The following ATXN1 variants were observed in gnomAD, a reference collection of about 807,000 sequenced individuals.
The protein encoded by ATXN1 is ataxin-1.
Under a neutral mutation model 56.4 loss-of-function variants are expected in ATXN1, and 8 were observed. The ratio of observed to expected loss-of-function variants is 0.14; its 90% confidence interval spans 0.08 to 0.26. ATXN1 has a LOEUF of 0.26. Among genes scored for constraint, ATXN1 ranks in the 10% least tolerant of loss-of-function variants. The pLI is 1.00. For synonymous variants in ATXN1, 514 were observed against 494.6 expected (o/e 1.04, Z -0.52); for missense variants, 987 against 1,106.5 (o/e 0.89, Z 1.53).
intron 6 of ATXN1, among the ~76,000 whole-genome samples, chr6:16,439,047 C>G (rs1468816074): frequency 1.3e-5 from 2 of 152,016 alleles, no homozygotes; most frequent in African/African-American, 4.8e-5. Context: ...CTGAATTTCT[C>G]AGATTCTCAG....
At chr6:16,685,342 C>T (rs913162861) in intron 2 of ATXN1, among the ~76,000 whole-genome samples, 10 of 152,132 alleles carry the variant, frequency 6.6e-5, no homozygotes, top group African/African-American at 2.4e-4. Context: ...CCCCATTATT[C>T]AGAATAAGTG....
Position 16,589,014 on chromosome 6 carries a change from C to G in ATXN1, c.-488-3107G>C, listed in dbSNP as rs192095126. ...GACCCTCAGCACCTCCAAGTCCCTC[C>G]CTGTAGCTCCCTGACCCCATCTTGT... On this transcript the variant is annotated intron_variant, in intron 3 of 7. Transcript: ENST00000436367. Among the ~76,000 whole-genome samples the G allele has an allele frequency of 1.7e-3, 256 of 152,194 alleles. 1 individual carries two copies. The highest frequency in any genetic ancestry group is 6.0e-3 in the African/African-American group (248 of 41,526).
chr6:16,718,819 T>C (rs1477438054), intron 2 of ATXN1, among the ~76,000 whole-genome samples: 2 of 152,252 alleles, frequency 1.3e-5, no homozygotes, highest in Non-Finnish European at 2.9e-5. Flanking sequence ...CACAGATGTG[T>C]GCACACAATG....
intron 5 of ATXN1, among the ~76,000 whole-genome samples, chr6:16,499,193 G>A (rs1468935953): frequency 1.3e-5 from 2 of 152,190 alleles, no homozygotes; most frequent in Admixed American, 6.5e-5. Context: ...TGAGGTAAGG[G>A]TTCAACTTCT....
rs2072737 is a variant in ATXN1 at position 16,306,635 on chromosome 6, G to A, written c.2142C>T (p.Asp714=). 0.034 allele frequency: 54,855 copies of A among 1,614,152 alleles called. 3,697 individuals carry two copies. The highest frequency in any genetic ancestry group is 0.31 in the East Asian group (13,879 of 44,868). Residue 714 remains aspartate, a synonymous_variant, in exon 8 of 8, where the codon GAC becomes GAT. Coordinates refer to ENST00000436367, the MANE Select transcript of ATXN1 (RefSeq NM_001128164.2). The surrounding 1 kb of genome is among the most constrained non-coding windows in gnomAD (Gnocchi z 5.2). The part of the protein sequence containing the change: ...ASVLLKHSKA[D]GLAGSRHRYA... ...ACCTGTGTCTGCTGCCCGCCAGGCC[G>A]TCGGCCTTTGAGTGCTTCAGCAGGA...
At chr6:16,403,982 T>C (rs1258455104) in intron 6 of ATXN1, among the ~76,000 whole-genome samples, 2 of 152,198 alleles carry the variant, frequency 1.3e-5, no homozygotes, top group African/African-American at 2.4e-5. Flanking sequence ...CATCTAGTGA[T>C]AGGAAAAATG....
intron 6 of ATXN1, among the ~76,000 whole-genome samples, chr6:16,341,809 G>A (rs553981077): frequency 2.0e-5 from 3 of 150,770 alleles, no homozygotes; most frequent in East Asian, 2.0e-4. Context: ...GTGAGCCACC[G>A]CACCCGGCTG....
At chr6:16,440,861 A>C (rs550586835) in intron 6 of ATXN1, among the ~76,000 whole-genome samples, 6 of 152,296 alleles carry the variant, frequency 3.9e-5, no homozygotes, top group African/African-American at 4.8e-5. Flanking sequence ...GTTACTGTGT[A>C]GTCCATAAAC....
intron 4 of ATXN1, among the ~76,000 whole-genome samples, chr6:16,523,141 C>T (rs1405101659): frequency 6.6e-6 from 1 of 152,132 alleles, no homozygotes; most frequent in East Asian, 1.9e-4. Context: ...GCCTCAAGCG[C>T]TCCTTCCACC....
At chr6:16,598,699 G>A (rs7747080) in intron 3 of ATXN1, among the ~76,000 whole-genome samples, 2 of 152,182 alleles carry the variant, frequency 1.3e-5, no homozygotes, top group African/African-American at 4.8e-5. Context: ...GAATGATAAG[G>A]CGGCCAGCAA....
chr6:16,408,000 G>A (rs1296607301), intron 6 of ATXN1, among the ~76,000 whole-genome samples: 1 of 152,196 alleles, frequency 6.6e-6, no homozygotes, highest in African/African-American at 2.4e-5. Flanking sequence ...GGGTTAAGGT[G>A]CATCTGCTAG....
intron 2 of ATXN1, among the ~76,000 whole-genome samples, chr6:16,687,506 C>T (rs1045984384): frequency 1.3e-5 from 2 of 148,656 alleles, no homozygotes; most frequent in Non-Finnish European, 3.0e-5. Flanking sequence ...GCCTTGTGTC[C>T]GCAAGAGGGA....
chr6:16,658,914 A>T (rs1758261450), intron 2 of ATXN1, among the ~76,000 whole-genome samples: 1 of 152,210 alleles, frequency 6.6e-6, no homozygotes, highest in Admixed American at 6.5e-5. Context: ...CAAAGATTGG[A>T]TCAAGTGACC....
intron 6 of ATXN1, among the ~76,000 whole-genome samples, chr6:16,383,179 C>G (rs929471066): frequency 1.3e-5 from 2 of 152,142 alleles, no homozygotes; most frequent in African/African-American, 4.8e-5. Context: ...GAATAGCAAG[C>G]TAAATAAGCA....
chr6:16,752,358 T>C (rs921178130), intron 2 of ATXN1, among the ~76,000 whole-genome samples: 4 of 152,100 alleles, frequency 2.6e-5, no homozygotes, highest in Non-Finnish European at 4.4e-5. Flanking sequence ...CCTAGACAGA[T>C]CAATGATTCC....
chr6:16,558,953 G>A (rs957410771), intron 4 of ATXN1, among the ~76,000 whole-genome samples: 5 of 151,574 alleles, frequency 3.3e-5, no homozygotes, highest in Non-Finnish European at 7.4e-5. Flanking sequence ...AACCAAAAAC[G>A]TAGTAGAAAA....
intron 3 of ATXN1, among the ~76,000 whole-genome samples, chr6:16,648,515 G>A (rs1300244743): frequency 6.6e-6 from 1 of 152,176 alleles, no homozygotes; most frequent in Non-Finnish European, 1.5e-5. Context: ...CATGGCTAGT[G>A]CAACAGAATA....
chr6:16,305,839 C>G lies in ATXN1; in HGVS notation c.*490G>C, dbSNP rs1760231553. The G allele has an allele frequency of 6.5e-6, 1 of 152,814 alleles. No individual in the cohort carries two copies. The highest frequency in any genetic ancestry group is 1.5e-5 in the Non-Finnish European group (1 of 68,440). The allele number at this position is 152,814 out of a possible 1,614,324, so 9.5% of individuals were successfully genotyped here. ...TGCACGTGGGAACCCCAGGAGGACACTGCTCTGAACCCCCCCGGCCCATGC... is the reference window on the plus strand; with the variant it reads ...TGCACGTGGGAACCCCAGGAGGACAGTGCTCTGAACCCCCCCGGCCCATGC... On this transcript the variant is annotated 3_prime_UTR_variant, in exon 8 of 8. Coordinates refer to ENST00000436367, the MANE Select transcript of ATXN1 (RefSeq NM_001128164.2).
At chr6:16,381,779 T>C (rs1457875352) in intron 6 of ATXN1, among the ~76,000 whole-genome samples, 1 of 152,168 alleles carries the variant, frequency 6.6e-6, no homozygotes, top group Non-Finnish European at 1.5e-5. Flanking sequence ...CAGTGAACAT[T>C]ACAGCAGACT....
Sources: allele counts gnomAD v4.1 joint callset (sites outside exome capture counted in the v4.1 genomes callset), GRCh38; gene constraint gnomAD v4.1.1; non-coding constraint Gnocchi (gnomAD v3.1); transcripts MANE v1.5; gene names NCBI Gene and HGNC (gene_info 2026-07-23, HGNC 2026-07-21).